ZNF655: variants seen among roughly 807,000 people sequenced by gnomAD.
ZNF655 encodes the protein zinc finger protein 655.
In ZNF655, 3 loss-of-function variants were observed where a neutral mutation model predicts 6.6. The ratio of observed to expected loss-of-function variants is 0.46; its 90% CI spans 0.21 to 1.18. The LOEUF (loss-of-function observed/expected upper bound fraction) is 1.18. Among genes scored for constraint, ZNF655 ranks in the 50% most tolerant of loss-of-function variants. The pLI is 0.24. For missense variants in ZNF655, 526 were observed against 572.3 expected, an observed-to-expected ratio of 0.92 and a Z score of 0.83; for synonymous variants, 178 against 195.0, an observed-to-expected ratio of 0.91 and a Z score of 0.73.
intron 2 of ZNF655, among the ~76,000 whole-genome samples, chr7:99,567,274 A>G (rs1307802498): frequency 6.6e-6 from 1 of 152,176 alleles, no homozygotes; most frequent in African/African-American, 2.4e-5. Flanking sequence ...TGGCTCACAC[A>G]TGTAATCCCA....
At chr7:99,572,021 C>T (rs947044917) in intron 2 of ZNF655, among the ~76,000 whole-genome samples, 5 of 152,136 alleles carry the variant, frequency 3.3e-5, no homozygotes, top group Non-Finnish European at 7.4e-5. Context: ...TCAGCTGTTT[C>T]CCTATTATTT....
chr7:99,561,970 C>A, intron 2 of ZNF655: 1 of 1,585,430 alleles, frequency 6.3e-7, no homozygotes, highest in Non-Finnish European at 8.6e-7. Context: ...CAGCCAGGTA[C>A]CAGGTGAGCT....
Position 99,572,855 on chromosome 7 carries a change from C to T in ZNF655, c.747C>T (p.Phe249=), listed in dbSNP as rs1223344058. 1.9e-6 allele frequency: 3 copies of T among 1,613,958 alleles called. No individual in the cohort carries two copies. Among genetic ancestry groups the T allele is most frequent in the Non-Finnish European group, 1.7e-6 (2 of 1,179,974 alleles). The change falls in exon 3 of 3, where the codon TTC becomes TTT. Residue 249 remains phenylalanine, a synonymous_variant. Coordinates refer to ENST00000252713, the MANE Select transcript of ZNF655 (RefSeq NM_138494.3). Reference sequence around the variant, plus strand: ...AATGTAAAGAATGTGAAAAGTCTTTCAGTCAGAGCTCAAGTCTTAGTCGAC... The same window carrying T: ...AATGTAAAGAATGTGAAAAGTCTTTTAGTCAGAGCTCAAGTCTTAGTCGAC... The part of the protein sequence containing the change: ...PYKCKECEKS[F]SQSSSLSRHK...
chr7:99,571,368 A>G (rs1738450344), intron 2 of ZNF655: 1 of 1,251,490 alleles, frequency 8.0e-7, no homozygotes, highest in Admixed American at 2.7e-5. Flanking sequence ...TAATCCGAAG[A>G]TTAATCTTTA....
chr7:99,559,358 A>G (rs1224746909), intron 1 of ZNF655, among the ~76,000 whole-genome samples: 1 of 127,900 alleles, frequency 7.8e-6, no homozygotes, highest in Non-Finnish European at 1.5e-5. Flanking sequence ...TGTTACCAAG[A>G]CATTTCCTAG....
chr7:99,568,028 C>T (rs1803762888), intron 2 of ZNF655, among the ~76,000 whole-genome samples: 1 of 144,624 alleles, frequency 6.9e-6, no homozygotes, highest in Non-Finnish European at 1.5e-5. Flanking sequence ...CATTGCACTC[C>T]AGCCTGGGCG....
intron 2 of ZNF655, chr7:99,562,031 C>CCT (rs1365593231): frequency 9.9e-6 from 14 of 1,408,978 alleles, no homozygotes; most frequent in Non-Finnish European, 1.2e-5. Flanking sequence ...TGGAGTGTGG[C>CCT]CTCTCTCTCA....
chr7:99,560,479 AATG>A, intron 1 of ZNF655, 51 bp from the exon 2 acceptor site: 1 of 1,529,264 alleles, frequency 6.5e-7, no homozygotes, highest in South Asian at 1.2e-5. Flanking sequence ...GACGATATAA[AATG>A]ATGAAATGCT....
chr7:99,566,311 GA>G (rs1490486735), intron 2 of ZNF655, among the ~76,000 whole-genome samples: 1 of 152,064 alleles, frequency 6.6e-6, no homozygotes, highest in Non-Finnish European at 1.5e-5. Context: ...CTGATGACAA[GA>G]AAAATTCAAA....
At position 99,575,188 on chromosome 7, in the gene ZNF655, T is replaced by C. The variant is rs1804326959; in HGVS notation, c.*1604T>C. 1 of 152,626 alleles carries C rather than the reference T, an allele frequency of 6.6e-6. No homozygotes were observed. Among genetic ancestry groups the C allele is most frequent in the South Asian group, 2.1e-4 (1 of 4,830 alleles). The allele number at this position is 152,626 out of a possible 1,614,324, so 9.5% of individuals were successfully genotyped here. On this transcript the variant is annotated 3_prime_UTR_variant, in exon 3 of 3. Transcript: ENST00000252713. ...TGCATGCCTAAGCTTAGAGTTCTTT[T>C]ATATACCTCTACGGCCAGCAAAATG...
At chr7:99,563,972 A>G in intron 2 of ZNF655, 1 of 1,613,952 alleles carries the variant, frequency 6.2e-7, no homozygotes, top group Non-Finnish European at 8.5e-7. Context: ...CCGTCCTTAC[A>G]GCAGGAATCT....
rs1386802216 is a variant in ZNF655, at chr7:99,575,435, G to C, written c.*1851G>C. 6.6e-6 allele frequency: 1 copy of C among 152,326 alleles called. No individual in the cohort carries two copies. The highest frequency in any genetic ancestry group is 1.5e-5 in the Non-Finnish European group (1 of 68,138). The allele number at this position is 152,326 out of a possible 1,614,324, so 9.4% of individuals were successfully genotyped here. On this transcript the variant is annotated 3_prime_UTR_variant, in exon 3 of 3. Coordinates refer to ENST00000252713, the MANE Select transcript of ZNF655 (RefSeq NM_138494.3). The stretch of plus-strand genomic sequence containing the variant: ...GCCTGTAATCCCAGCTACTCAGGAG[G>C]CTGAGGCAGGAGAACTGCTTGAACC...
chr7:99,562,940 A>T (rs1320593996), intron 2 of ZNF655, among the ~76,000 whole-genome samples: 1 of 152,188 alleles, frequency 6.6e-6, no homozygotes, highest in African/African-American at 2.4e-5. Context: ...CCGTTTATTT[A>T]AAAAGACAGG....
In ZNF655 at chr7:99,572,609, C is replaced by G; in HGVS notation, c.501C>G (p.Asn167Lys). 1 of 1,613,566 alleles carries G rather than the reference C, an allele frequency of 6.2e-7. No homozygotes were observed. Among genetic ancestry groups the G allele is most frequent in the Non-Finnish European group, 8.5e-7 (1 of 1,179,854 alleles). ...DDNDKYDMSF[N>K]QNSASGKHEH... ...ATGATAAGTATGACATGAGCTTCAACCAGAATTCAGCCTCTGGTAAACATG... is the reference window on the plus strand; with the variant it reads ...ATGATAAGTATGACATGAGCTTCAAGCAGAATTCAGCCTCTGGTAAACATG... Residue 167 changes from asparagine (N) to lysine (K), a missense_variant, in exon 3 of 3, where the codon AAC becomes AAG. Asn to Lys is a moderately conservative substitution (Grantham distance 94). Transcript: ENST00000252713.
rs1049120871 is a variant in ZNF655, at chr7:99,575,877, C to T, written c.*2293C>T. ...GCTTTTTGACTGATAAAAGTGATTA[C>T]AGATGTTGGCTCAAGTTCAGGGCCA... On this transcript the variant is annotated 3_prime_UTR_variant, in exon 3 of 3. Coordinates refer to ENST00000252713, the MANE Select transcript of ZNF655 (RefSeq NM_138494.3). The T allele has an allele frequency of 2.6e-5, 4 of 152,168 alleles. No homozygotes were observed. The highest frequency in any genetic ancestry group is 4.4e-5 in the Non-Finnish European group (3 of 68,034). The allele number at this position is 152,168 out of a possible 1,614,324, so 9.4% of individuals were successfully genotyped here.
At chr7:99,570,052 G>A (rs1054360310) in intron 2 of ZNF655, 5 of 152,006 alleles carry the variant, frequency 3.3e-5, no homozygotes, top group South Asian at 2.1e-4. Flanking sequence ...TTATACCTTC[G>A]TACATTACAT....
At position 99,572,555 on chromosome 7, in the gene ZNF655, A is replaced by C. The variant is rs1480566921; in HGVS notation, c.447A>C (p.Arg149Ser). 1 of 1,613,838 alleles carries C rather than the reference A, an allele frequency of 6.2e-7. No homozygotes were observed. Among genetic ancestry groups the C allele is most frequent in the African/African-American group, 1.3e-5 (1 of 74,926 alleles). The stretch of plus-strand genomic sequence containing the variant: ...ACTCTACTATTGATGCAGATCAGAG[A>C]GTTCTTAGAATACAGAATACCGATG... Reference protein sequence around the residue: ...SLDSTIDADQRVLRIQNTDDN... With the variant: ...SLDSTIDADQSVLRIQNTDDN... The change falls in exon 3 of 3, where the codon AGA (arginine) becomes AGC (serine). Residue 149 changes from arginine to serine, a missense_variant. Physicochemically the swap from Arg to Ser is moderately radical, Grantham distance 110 (BLOSUM62 -1). Transcript: ENST00000252713.
intron 2 of ZNF655, 194 bp downstream of exon 2, chr7:99,560,889 T>C (rs1803092955): frequency 1.9e-6 from 1 of 527,154 alleles, no homozygotes; most frequent in African/African-American, 1.9e-5. Flanking sequence ...TAGCTCATCT[T>C]TCTCAAATAA....
In ZNF655 at chr7:99,573,785, C is replaced by G. The variant is rs554697040; in HGVS notation, c.*201C>G. ...GAAGAAAAGGTATTAGTGTTAAACT[C>G]TTAATCGACTCCTGCAAATCTATAC... On this transcript the variant is annotated 3_prime_UTR_variant, in exon 3 of 3. Transcript: ENST00000252713. The G allele has an allele frequency of 1.2e-5, 7 of 594,886 alleles. No homozygotes were observed. The highest frequency in any genetic ancestry group is 2.0e-5 in the Non-Finnish European group (7 of 358,634). The allele number at this position is 594,886 out of a possible 1,614,324, so 36.9% of individuals were successfully genotyped here.
Sources: gnomAD v4.1 joint callset for allele counts (sites outside exome capture counted in the v4.1 genomes callset) on GRCh38, gnomAD v4.1.1 for gene constraint, MANE v1.5 for transcripts, NCBI Gene and HGNC (gene_info 2026-07-23, HGNC 2026-07-21) for gene names.